Variants in PYGB observed in about 807,000 individuals in gnomAD.
PYGB encodes glycogen phosphorylase, brain form.
In PYGB, 82 loss-of-function variants were observed where a neutral mutation model predicts 94.3. The observed-to-expected ratio is 0.87, with a 90% confidence interval of 0.73 to 1.04. The LOEUF is 1.04. Ranked by LOEUF, PYGB falls within the 50% of genes least tolerant of loss-of-function variation. The probability of loss-of-function intolerance (pLI) is 0.00; values close to 1 mark genes in which losing one functional copy is unlikely to be tolerated. For missense variants in PYGB, 1,132 were observed against 1,158.2 expected, an observed-to-expected ratio of 0.98 and a Z score of 0.33; for synonymous variants, 488 against 479.1, an observed-to-expected ratio of 1.02 and a Z score of -0.24.
chr20:25,284,301 C>T (rs755814019), intron 14 of PYGB, 50 bp downstream of exon 14: 26 of 1,584,746 alleles, frequency 1.6e-5, no homozygotes, highest in Middle Eastern at 1.9e-4. Flanking sequence ...CCAAGGCTTG[C>T]CCTTGCCCGC....
chr20:25,248,523 C>A (rs937663298), intron 1 of PYGB, 102 bp downstream of exon 1: 2 of 1,231,812 alleles, frequency 1.6e-6, no homozygotes, highest in Non-Finnish European at 2.0e-6. Context: ...TCGGGCGTTA[C>A]CTGCGCCCCT....
chr20:25,256,923 A>G (rs79719043), intron 1 of PYGB, among the ~76,000 whole-genome samples: 8,786 of 152,212 alleles, frequency 0.058, 827 homozygotes, highest in African/African-American at 0.2. Context: ...TTCTCCTTGA[A>G]AAGTCTGGTA....
intron 1 of PYGB, among the ~76,000 whole-genome samples, chr20:25,255,226 A>G (rs2092899748): frequency 6.6e-6 from 1 of 152,232 alleles, no homozygotes; most frequent in Admixed American, 6.5e-5. Flanking sequence ...AGTGGAGTGG[A>G]CACTGTGACA....
intron 13 of PYGB, among the ~76,000 whole-genome samples, chr20:25,283,810 G>T (rs2088391668): frequency 6.6e-6 from 1 of 152,150 alleles, no homozygotes; most frequent in Non-Finnish European, 1.5e-5. Flanking sequence ...CTCCCGCGCT[G>T]CTCCGCCGCC....
At chr20:25,270,432 G>C (rs1401786066) in intron 3 of PYGB, among the ~76,000 whole-genome samples, 1 of 152,008 alleles carries the variant, frequency 6.6e-6, no homozygotes, top group African/African-American at 2.4e-5. Flanking sequence ...TCAATCTCCT[G>C]ACCTCGTGAT....
At chr20:25,289,838 G>T (rs2088449721) in intron 15 of PYGB, 1 of 533,290 alleles carries the variant, frequency 1.9e-6, no homozygotes. Flanking sequence ...GAACCACAAT[G>T]GGAGTAGACT....
At chr20:25,270,059 G>A (rs954478218) in intron 3 of PYGB, among the ~76,000 whole-genome samples, 1 of 152,142 alleles carries the variant, frequency 6.6e-6, no homozygotes, top group Non-Finnish European at 1.5e-5. Flanking sequence ...ACAAGAGTCC[G>A]CGAGGCTCCA....
At chr20:25,259,676 A>T (rs759892730) in intron 2 of PYGB, among the ~76,000 whole-genome samples, 1 of 152,156 alleles carries the variant, frequency 6.6e-6, no homozygotes, top group Non-Finnish European at 1.5e-5. Flanking sequence ...TGACTTCATC[A>T]AACTGCTAAC....
At chr20:25,277,202 C>T in intron 6 of PYGB, 42 bp from the exon 7 acceptor site, 1 of 1,477,832 alleles carries the variant, frequency 6.8e-7, no homozygotes, top group East Asian at 2.3e-5. Context: ...GTGCTGGTGC[C>T]AGGAGGCATG....
At chr20:25,278,118 CTG>C (rs2088329964) in intron 7 of PYGB, among the ~76,000 whole-genome samples, 199 bp from the exon 8 acceptor site, 1 of 152,222 alleles carries the variant, frequency 6.6e-6, no homozygotes, top group Non-Finnish European at 1.5e-5. Flanking sequence ...CGGATGGACA[CTG>C]TGTCCCGGGG....
chr20:25,290,816 C>T (rs1321467838), intron 16 of PYGB, among the ~76,000 whole-genome samples, 194 bp downstream of exon 16: 5 of 152,196 alleles, frequency 3.3e-5, no homozygotes, highest in African/African-American at 1.2e-4. Context: ...CACAGTGCGT[C>T]CCGGGGCGCC....
chr20:25,255,830 T>C (rs560457519), intron 1 of PYGB, among the ~76,000 whole-genome samples: 1 of 151,800 alleles, frequency 6.6e-6, no homozygotes, highest in South Asian at 2.1e-4. Flanking sequence ...GCCTCCCGGG[T>C]TCAGGCGATT....
At chr20:25,265,021 A>C (rs2092921657) in intron 2 of PYGB, among the ~76,000 whole-genome samples, 7 of 152,228 alleles carry the variant, frequency 4.6e-5, no homozygotes, top group Admixed American at 4.6e-4. Flanking sequence ...ACCTGACTTC[A>C]AACTATACTA....
At chr20:25,292,686 G>A in intron 17 of PYGB, 73 bp downstream of exon 17, 1 of 1,510,424 alleles carries the variant, frequency 6.6e-7, no homozygotes. Flanking sequence ...GGGGGCATTG[G>A]CTGGACTGGG....
At chr20:25,260,213 G>A (rs1018110841) in intron 2 of PYGB, among the ~76,000 whole-genome samples, 1 of 152,210 alleles carries the variant, frequency 6.6e-6, no homozygotes, top group African/African-American at 2.4e-5. Context: ...CCTGGCAGGT[G>A]ACTTGTCATT....
chr20:25,288,221 C>G (rs1168872880), intron 14 of PYGB: 2 of 707,476 alleles, frequency 2.8e-6, no homozygotes, highest in Non-Finnish European at 5.1e-6. Context: ...TGGCCTCACT[C>G]CCTTGTAAGT....
chr20:25,277,515 C>T (rs2088324183), intron 7 of PYGB, among the ~76,000 whole-genome samples, 189 bp downstream of exon 7: 1 of 152,164 alleles, frequency 6.6e-6, no homozygotes, highest in African/African-American at 2.4e-5. Context: ...CTCCATAAAG[C>T]CCAAGCGGCT....
chr20:25,280,251 T>G lies in PYGB; in HGVS notation c.1093-15T>G. The G allele has an allele frequency of 6.2e-7, 1 of 1,612,434 alleles. No individual in the cohort carries two copies. Among genetic ancestry groups the G allele is most frequent in the Non-Finnish European group, 8.5e-7 (1 of 1,178,852 alleles). Reference sequence around the variant, plus strand: ...TTTCTAAACAAACACATGGGAACATTCTCTAATGGCCTAGGCCTGGGAAAT... The same window carrying G: ...TTTCTAAACAAACACATGGGAACATGCTCTAATGGCCTAGGCCTGGGAAAT... On this transcript the variant is annotated splice_polypyrimidine_tract_variant and intron_variant, in intron 9 of 19. Transcript: ENST00000216962.
rs1301326063 is a variant in PYGB at position 25,274,002 on chromosome 20, C to T, written c.529-590C>T. On this transcript the variant is annotated intron_variant, in intron 4 of 19. Coordinates refer to ENST00000216962, the MANE Select transcript of PYGB (RefSeq NM_002862.4). ...TGCTGGGACTGTAGGCGTGAGCCTC[C>T]GCCTGGCCAGTGTGTCCCCGTCAAA... Among the ~76,000 whole-genome samples the T allele has an allele frequency of 4.0e-5, 6 of 151,652 alleles. No individual in the cohort carries two copies. In the East Asian group the frequency reaches 7.7e-4, roughly 19 times the overall value.
Sources: gnomAD v4.1 joint callset for allele counts (sites outside exome capture counted in the v4.1 genomes callset) on GRCh38, gnomAD v4.1.1 for gene constraint, MANE v1.5 for transcripts, NCBI Gene and HGNC (gene_info 2026-07-23, HGNC 2026-07-21) for gene names.